Variants in GPC5 observed in about 807,000 individuals in gnomAD.
GPC5 encodes the protein glypican-5.
GPC5 carries 47 observed loss-of-function variants against 53.9 expected under a neutral mutation model. That is an observed-to-expected ratio of 0.87 (90% confidence interval 0.69 to 1.11). GPC5 has a LOEUF of 1.11. Among genes scored for constraint, GPC5 ranks in the 50% most tolerant of loss-of-function variants. The pLI, the probability that GPC5 is intolerant of heterozygous loss-of-function variation, is 0.00. For synonymous variants in GPC5, 286 were observed against 263.3 expected (o/e 1.09, Z -0.84); for missense variants, 748 against 713.1 (o/e 1.05, Z -0.56).
At chr13:91,767,121 T>C (rs376013264) in intron 5 of GPC5, among the ~76,000 whole-genome samples, 16 of 152,352 alleles carry the variant, frequency 1.1e-4, no homozygotes, top group Admixed American at 6.5e-4. Context: ...AGTGAAATGC[T>C]CTGAGTTTAG....
At chr13:92,031,835 AATATATTACATATTATATATAATAT>A (rs1566403406) in intron 6 of GPC5, among the ~76,000 whole-genome samples, 1 of 82,014 alleles carries the variant, frequency 1.2e-5, no homozygotes, top group Non-Finnish European at 2.2e-5. Flanking sequence ...TATAATATAT[AATATATTACATATTATATATAATAT>A]ATATATTATA....
At chr13:91,866,089 A>G (rs1594627372) in intron 5 of GPC5, among the ~76,000 whole-genome samples, 1 of 152,074 alleles carries the variant, frequency 6.6e-6, no homozygotes, top group Admixed American at 6.5e-5. Flanking sequence ...GCTGGTCTCG[A>G]ACTCCCGACC....
intron 2 of GPC5, among the ~76,000 whole-genome samples, chr13:91,551,686 T>C (rs2030649337): frequency 6.6e-6 from 1 of 152,122 alleles, no homozygotes; most frequent in African/African-American, 2.4e-5. Flanking sequence ...AGATGACCTT[T>C]GTTTCTTTTC....
At chr13:92,766,274 C>T (rs72641096) in intron 7 of GPC5, among the ~76,000 whole-genome samples, 4,080 of 152,204 alleles carry the variant, frequency 0.027, 105 homozygotes, top group Admixed American at 0.076. Context: ...GTGTCCTTAA[C>T]CTAAACCCAT....
At chr13:91,594,457 G>A (rs184183662) in intron 2 of GPC5, among the ~76,000 whole-genome samples, 3 of 152,268 alleles carry the variant, frequency 2.0e-5, no homozygotes, top group Admixed American at 6.5e-5. Context: ...TAAATAGTAT[G>A]TCTCTCCTTG....
chr13:92,781,809 G>A (rs551771433), intron 7 of GPC5, among the ~76,000 whole-genome samples: 1 of 152,176 alleles, frequency 6.6e-6, no homozygotes, highest in Admixed American at 6.5e-5. Flanking sequence ...CACTGTGACT[G>A]ATAGGCAGAG....
intron 2 of GPC5, among the ~76,000 whole-genome samples, chr13:91,525,044 A>G (rs17405958): frequency 0.091 from 13,827 of 152,236 alleles, 777 homozygotes; most frequent in Middle Eastern, 0.14. Context: ...TGAGTGTCAG[A>G]AACATATTTA....
intron 7 of GPC5, among the ~76,000 whole-genome samples, chr13:92,356,811 A>G (rs1271187177): frequency 6.6e-6 from 1 of 152,198 alleles, no homozygotes; most frequent in East Asian, 1.9e-4. Context: ...TTAATTATCC[A>G]GGTACTCAGT....
chr13:91,447,632 T>C (rs78271425), intron 1 of GPC5, among the ~76,000 whole-genome samples: 236 of 152,256 alleles, frequency 1.6e-3, no homozygotes, highest in African/African-American at 5.4e-3. Flanking sequence ...AGGCCAACTC[T>C]GTGTGGAAAA....
At chr13:92,036,062 T>C (rs1001017233) in intron 6 of GPC5, among the ~76,000 whole-genome samples, 6 of 152,214 alleles carry the variant, frequency 3.9e-5, no homozygotes, top group African/African-American at 7.2e-5. Context: ...ATCAACCATA[T>C]GTAAAATCCA....
chr13:91,929,975 C>G (rs2039806423), intron 6 of GPC5, among the ~76,000 whole-genome samples: 1 of 151,998 alleles, frequency 6.6e-6, no homozygotes, highest in Non-Finnish European at 1.5e-5. Flanking sequence ...TATGTAAGAA[C>G]AATTCCCAAA....
chr13:92,447,557 T>C (rs927581814), intron 7 of GPC5: 3 of 151,944 alleles, frequency 2.0e-5, no homozygotes, highest in African/African-American at 7.2e-5. Context: ...AAAAAAAAAG[T>C]CCCATACTCA....
chr13:91,490,253 C>A (rs1566444961), intron 2 of GPC5, among the ~76,000 whole-genome samples: 1 of 152,036 alleles, frequency 6.6e-6, no homozygotes, highest in Non-Finnish European at 1.5e-5. Context: ...GAGTGAGATA[C>A]AGCAGGATGA....
intron 5 of GPC5, among the ~76,000 whole-genome samples, chr13:91,801,150 C>T (rs764381132): frequency 2.0e-5 from 3 of 151,914 alleles, no homozygotes; most frequent in Non-Finnish European, 4.4e-5. Flanking sequence ...AAGCCATTAA[C>T]AGTAAGAAAG....
At chr13:92,272,737 C>T (rs984032834) in intron 7 of GPC5, among the ~76,000 whole-genome samples, 2 of 152,032 alleles carry the variant, frequency 1.3e-5, no homozygotes, top group Non-Finnish European at 2.9e-5. Flanking sequence ...TAATGGATCC[C>T]AATACCATGG....
intron 6 of GPC5, among the ~76,000 whole-genome samples, chr13:91,948,256 A>G (rs972862538): frequency 7.3e-5 from 11 of 149,980 alleles, no homozygotes; most frequent in African/African-American, 2.4e-4. Flanking sequence ...AATAATAATA[A>G]TAATAAATAA....
chr13:92,353,499 G>A (rs1258899551), intron 7 of GPC5, among the ~76,000 whole-genome samples: 1 of 152,048 alleles, frequency 6.6e-6, no homozygotes, highest in Admixed American at 6.6e-5. Flanking sequence ...GCATGGGAAT[G>A]GAAAGATTCT....
chr13:92,547,414 T>C (rs1882157081), intron 7 of GPC5, among the ~76,000 whole-genome samples: 1 of 152,228 alleles, frequency 6.6e-6, no homozygotes, highest in East Asian at 1.9e-4. Flanking sequence ...TCAGATGACG[T>C]ATTTTTACCT....
At chr13:92,655,163 T>A (rs1245483605) in intron 7 of GPC5, among the ~76,000 whole-genome samples, 1 of 152,190 alleles carries the variant, frequency 6.6e-6, no homozygotes, top group African/African-American at 2.4e-5. Flanking sequence ...ATCTGTTGTT[T>A]GAAGTCACCA....
Sources: gnomAD v4.1 joint callset for allele counts (sites outside exome capture counted in the v4.1 genomes callset) on GRCh38, gnomAD v4.1.1 for gene constraint, MANE v1.5 for transcripts, NCBI Gene and HGNC (gene_info 2026-07-23, HGNC 2026-07-21) for gene names.